CPEB3: variants seen among roughly 807,000 people sequenced by gnomAD.
CPEB3 encodes cytoplasmic polyadenylation element-binding protein 3.
A neutral mutation model predicts 67.2 loss-of-function variants in CPEB3; 20 were observed. That is an observed-to-expected ratio of 0.30 (90% CI 0.21 to 0.43). The LOEUF is 0.43. CPEB3 is among the 20% of genes least tolerant of loss of function. CPEB3 has a pLI of 1.00. For missense variants in CPEB3, 746 were observed against 968.6 expected, an observed-to-expected ratio of 0.77 and a Z score of 3.05; for synonymous variants, 376 against 393.1, an observed-to-expected ratio of 0.96 and a Z score of 0.51.
At chr10:92,285,303 C>T (rs1028693704) in intron 1 of CPEB3, among the ~76,000 whole-genome samples, 1 of 152,156 alleles carries the variant, frequency 6.6e-6, no homozygotes, top group African/African-American at 2.4e-5. Context: ...CACAGTGTCA[C>T]TCGGTTGCCC....
At chr10:92,229,413 C>T (rs1461119586) in intron 2 of CPEB3, among the ~76,000 whole-genome samples, 1 of 152,140 alleles carries the variant, frequency 6.6e-6, no homozygotes, top group Admixed American at 6.6e-5. Flanking sequence ...AATAACTCGA[C>T]ATGACAAGTC....
chr10:92,070,944 A>C (rs1037236954), intron 9 of CPEB3, among the ~76,000 whole-genome samples: 4 of 152,002 alleles, frequency 2.6e-5, no homozygotes, highest in Non-Finnish European at 5.9e-5. Flanking sequence ...AATTCCAATT[A>C]GATTGTTTTT....
chr10:92,229,398 T>C (rs951027300), intron 2 of CPEB3, among the ~76,000 whole-genome samples: 1 of 152,192 alleles, frequency 6.6e-6, no homozygotes, highest in African/African-American at 2.4e-5. Context: ...GTCAGTTCTA[T>C]TGTTAATAAC....
At chr10:92,276,436 G>T (rs936555345) in intron 1 of CPEB3, among the ~76,000 whole-genome samples, 1 of 151,820 alleles carries the variant, frequency 6.6e-6, no homozygotes, top group Non-Finnish European at 1.5e-5. Context: ...CTGCCACCAT[G>T]CCTGGCTAAT....
At chr10:92,289,116 G>A (rs1400736824) in intron 1 of CPEB3, among the ~76,000 whole-genome samples, 1 of 151,994 alleles carries the variant, frequency 6.6e-6, no homozygotes, top group African/African-American at 2.4e-5. Flanking sequence ...GGTGGTGCGA[G>A]CCTGTAATCC....
At position 92,266,694 on chromosome 10, in the gene CPEB3, A is replaced by C. The variant is rs948010825; in HGVS notation, c.-12+24232T>G. Among the ~76,000 whole-genome samples, 3 of 152,300 alleles carry C rather than the reference A, an allele frequency of 2.0e-5. No individual in the cohort carries two copies. In the East Asian group the frequency reaches 5.8e-4, roughly 29 times the overall value. ...TCAGATGGGTATAAAAGCGCTAGAAAGAACAAAAGGGTGATGTGACTGACA... is the reference window on the plus strand; with the variant it reads ...TCAGATGGGTATAAAAGCGCTAGAACGAACAAAAGGGTGATGTGACTGACA... On this transcript the variant is annotated intron_variant, in intron 1 of 9. Coordinates refer to ENST00000265997, the MANE Select transcript of CPEB3 (RefSeq NM_014912.5).
Position 92,214,568 on chromosome 10 carries a change from C to A in CPEB3, c.1006-21932G>T, listed in dbSNP as rs138756814. Among the ~76,000 whole-genome samples the A allele has an allele frequency of 7.1e-3, 1,071 of 151,856 alleles. 10 individuals are homozygous for A. Among genetic ancestry groups the A allele is most frequent in the African/African-American group, 0.025 (1,015 of 41,422 alleles). ...CGTGATCTCAACTCACTGTAACCTCCGCCTCCCAGGTTCAAGCGATTCTCC... is the reference window on the plus strand; with the variant it reads ...CGTGATCTCAACTCACTGTAACCTCAGCCTCCCAGGTTCAAGCGATTCTCC... On this transcript the variant is annotated intron_variant, in intron 2 of 9. Transcript: ENST00000265997.
At chr10:92,148,759 G>A (rs1433357955) in intron 4 of CPEB3, among the ~76,000 whole-genome samples, 4 of 152,188 alleles carry the variant, frequency 2.6e-5, no homozygotes, top group African/African-American at 7.2e-5. Flanking sequence ...ATACACAGGT[G>A]TGAGAATGGC....
intron 6 of CPEB3, among the ~76,000 whole-genome samples, chr10:92,125,409 A>G (rs1205745227): frequency 6.6e-6 from 1 of 152,178 alleles, no homozygotes; most frequent in African/African-American, 2.4e-5. Flanking sequence ...CCTTTGCCCA[A>G]GAGGCCTCAA....
chr10:92,167,127 G>T (rs1410455935), intron 4 of CPEB3, among the ~76,000 whole-genome samples: 1 of 152,164 alleles, frequency 6.6e-6, no homozygotes, highest in Non-Finnish European at 1.5e-5. Flanking sequence ...CCTTGCTCTG[G>T]ACTAGGCTTT....
At chr10:92,052,591 G>A in intron 9 of CPEB3, 152 bp from the exon 10 acceptor site, 1 of 643,504 alleles carries the variant, frequency 1.6e-6, no homozygotes, top group Non-Finnish European at 2.7e-6. Flanking sequence ...GAGAGCATGG[G>A]CTTTGGAATA....
intron 2 of CPEB3, among the ~76,000 whole-genome samples, chr10:92,208,783 C>T (rs772580378): frequency 3.3e-5 from 5 of 151,896 alleles, no homozygotes; most frequent in Middle Eastern, 3.4e-3. Context: ...TCAGTAGAGA[C>T]GGGGTTTCAC....
rs1024682407 is a variant in CPEB3 at position 92,291,070 on chromosome 10, G to A, written c.-156C>T. Reference sequence around the variant, plus strand: ...GGAGGCGTTGGTCCGGGCGGGCTGTGCAGCCTCTAGTGGAGACGGTCCGAA... The same window carrying A: ...GGAGGCGTTGGTCCGGGCGGGCTGTACAGCCTCTAGTGGAGACGGTCCGAA... On this transcript the variant is annotated 5_prime_UTR_variant, in exon 1 of 10. Transcript: ENST00000265997. The A allele has an allele frequency of 2.0e-5, 4 of 203,376 alleles. No homozygotes were observed. Among genetic ancestry groups the A allele is most frequent in the African/African-American group, 7.0e-5 (3 of 42,624 alleles). 12.6% of individuals were successfully genotyped at this position (203,376 alleles called of 1,614,324 possible).
chr10:92,288,216 T>C (rs1342198089), intron 1 of CPEB3, among the ~76,000 whole-genome samples: 1 of 152,114 alleles, frequency 6.6e-6, no homozygotes, highest in African/African-American at 2.4e-5. Flanking sequence ...TCCTAGCATT[T>C]TGGGAGGCCG....
At chr10:92,285,146 T>A (rs895050634) in intron 1 of CPEB3, among the ~76,000 whole-genome samples, 2 of 152,246 alleles carry the variant, frequency 1.3e-5, no homozygotes, top group Non-Finnish European at 2.9e-5. Flanking sequence ...GCTCTCAAGA[T>A]AATGAACTCA....
intron 1 of CPEB3, among the ~76,000 whole-genome samples, chr10:92,278,601 C>CTTTTTTTT (rs1294501874): frequency 7.7e-6 from 1 of 129,224 alleles, no homozygotes; most frequent in African/African-American, 2.9e-5. Flanking sequence ...TTGACTGGTT[C>CTTTTTTTT]TTTTTTTTTT....
intron 2 of CPEB3, among the ~76,000 whole-genome samples, chr10:92,218,346 G>C (rs1015345893): frequency 6.6e-6 from 1 of 152,120 alleles, no homozygotes; most frequent in African/African-American, 2.4e-5. Context: ...GGTGGAGGTC[G>C]CAGTGAGCTG....
intron 1 of CPEB3, among the ~76,000 whole-genome samples, chr10:92,278,884 C>T (rs1160750299): frequency 6.6e-6 from 1 of 152,038 alleles, no homozygotes; most frequent in Non-Finnish European, 1.5e-5. Context: ...CAGGCATGAG[C>T]CACCACGCCC....
intron 2 of CPEB3, among the ~76,000 whole-genome samples, chr10:92,235,774 C>T (rs1851501687): frequency 6.6e-6 from 1 of 152,218 alleles, no homozygotes; most frequent in African/African-American, 2.4e-5. Flanking sequence ...CAACCTGAAC[C>T]TGGGTACGTC....
Sources: allele counts gnomAD v4.1 joint callset (sites outside exome capture counted in the v4.1 genomes callset), GRCh38; gene constraint gnomAD v4.1.1; transcripts MANE v1.5; gene names NCBI Gene and HGNC (gene_info 2026-07-23, HGNC 2026-07-21).